CTNNA3: variants seen among roughly 807,000 people sequenced by gnomAD.
CTNNA3 encodes the protein catenin alpha 3.
A neutral mutation model predicts 95.7 loss-of-function variants in CTNNA3; 76 were observed. The observed-to-expected ratio is 0.79, with a 90% CI of 0.66 to 0.96. CTNNA3 has a LOEUF of 0.96. Among genes scored for constraint, CTNNA3 ranks in the 40% least tolerant of loss-of-function variants. The pLI is 0.00. For missense variants in CTNNA3, 1,191 were observed against 1,089.8 expected, an observed-to-expected ratio of 1.09 and a Z score of -1.31; for synonymous variants, 431 against 374.4, an observed-to-expected ratio of 1.15 and a Z score of -1.74.
At chr10:67,012,031 A>C (rs1272472006) in intron 7 of CTNNA3, among the ~76,000 whole-genome samples, 1 of 152,170 alleles carries the variant, frequency 6.6e-6, no homozygotes, top group African/African-American at 2.4e-5. Context: ...TATATGAGGA[A>C]ACAGAAACTT....
intron 5 of CTNNA3, among the ~76,000 whole-genome samples, chr10:67,493,561 C>CAAAAAAAA (rs61570165): frequency 2.1e-5 from 2 of 94,132 alleles, no homozygotes; most frequent in East Asian, 2.6e-4. Flanking sequence ...GACTCTGTCT[C>CAAAAAAAA]AAAAAAAAAA....
chr10:67,031,620 A>C (rs1047310079), intron 7 of CTNNA3, among the ~76,000 whole-genome samples: 6 of 152,206 alleles, frequency 3.9e-5, no homozygotes, highest in African/African-American at 1.2e-4. Flanking sequence ...ATTAGAACTT[A>C]AGTGTTGGAG....
intron 5 of CTNNA3, among the ~76,000 whole-genome samples, chr10:67,482,701 C>A (rs1353869619): frequency 6.6e-6 from 1 of 152,098 alleles, no homozygotes; most frequent in African/African-American, 2.4e-5. Context: ...CAAACAGGGA[C>A]AATTTGACTT....
intron 7 of CTNNA3, among the ~76,000 whole-genome samples, chr10:66,921,059 A>T (rs1285498024): frequency 2.0e-5 from 3 of 152,208 alleles, no homozygotes; most frequent in Admixed American, 2.0e-4. Context: ...TTTAAACAGT[A>T]AGCATTTATT....
At chr10:66,142,446 C>A (rs2083667272) in intron 13 of CTNNA3, among the ~76,000 whole-genome samples, 1 of 152,024 alleles carries the variant, frequency 6.6e-6, no homozygotes, top group African/African-American at 2.4e-5. Context: ...GTTGGTCCTC[C>A]AACTTTTTTC....
At chr10:66,857,164 T>C (rs1318475448) in intron 7 of CTNNA3, among the ~76,000 whole-genome samples, 1 of 152,074 alleles carries the variant, frequency 6.6e-6, no homozygotes, top group Non-Finnish European at 1.5e-5. Context: ...AGGGAGTCCT[T>C]ACCTCATTGC....
intron 5 of CTNNA3, among the ~76,000 whole-genome samples, chr10:67,516,162 C>A (rs925904713): frequency 1.3e-5 from 2 of 152,012 alleles, no homozygotes; most frequent in African/African-American, 4.8e-5. Context: ...CGGGGTTTCA[C>A]CATGTTGGTC....
intron 10 of CTNNA3, among the ~76,000 whole-genome samples, chr10:66,603,256 C>T (rs1843997266): frequency 6.6e-6 from 1 of 151,964 alleles, no homozygotes; most frequent in African/African-American, 2.4e-5. Context: ...GGATACAAAA[C>T]CAAGACACAA....
At chr10:67,685,584 T>C (rs1160153095) in intron 1 of CTNNA3, among the ~76,000 whole-genome samples, 2 of 152,362 alleles carry the variant, frequency 1.3e-5, no homozygotes, top group South Asian at 2.1e-4. Flanking sequence ...AGGAAGGCTA[T>C]GGGTTGTCAG....
At chr10:66,932,559 A>G (rs1847463232) in intron 7 of CTNNA3, among the ~76,000 whole-genome samples, 1 of 152,182 alleles carries the variant, frequency 6.6e-6, no homozygotes, top group African/African-American at 2.4e-5. Flanking sequence ...AGCTACCTAC[A>G]CTAAAAATCA....
At chr10:66,528,186 G>A (rs950244697) in intron 10 of CTNNA3, among the ~76,000 whole-genome samples, 2 of 152,092 alleles carry the variant, frequency 1.3e-5, no homozygotes, top group African/African-American at 4.8e-5. Context: ...TAGACCCTGT[G>A]CATTAGGTTG....
intron 11 of CTNNA3, among the ~76,000 whole-genome samples, chr10:66,519,100 TTC>T (rs965233989): frequency 6.6e-5 from 10 of 152,094 alleles, no homozygotes; most frequent in Admixed American, 2.0e-4. Flanking sequence ...AAGAAAATCC[TTC>T]TCTTACAAAA....
chr10:67,096,216 T>C (rs76693607), intron 7 of CTNNA3, among the ~76,000 whole-genome samples: 2 of 151,846 alleles, frequency 1.3e-5, no homozygotes, highest in African/African-American at 4.8e-5. Flanking sequence ...TTTATTTTTT[T>C]GATTACTTTT....
intron 9 of CTNNA3, among the ~76,000 whole-genome samples, chr10:66,680,008 T>G (rs1390668110): frequency 1.3e-5 from 2 of 151,988 alleles, no homozygotes; most frequent in Non-Finnish European, 2.9e-5. Flanking sequence ...GAGCAGTATC[T>G]TTTTTTTGAC....
intron 13 of CTNNA3, among the ~76,000 whole-genome samples, chr10:66,192,480 A>G (rs2131888472): frequency 6.6e-6 from 1 of 152,324 alleles, no homozygotes; most frequent in African/African-American, 2.4e-5. Context: ...CTGATAAGTG[A>G]ACTCCACAAG....
intron 1 of CTNNA3, among the ~76,000 whole-genome samples, chr10:67,654,259 C>T (rs1839958984): frequency 6.6e-6 from 1 of 152,098 alleles, no homozygotes; most frequent in South Asian, 2.1e-4. Flanking sequence ...CGAGTAGAGC[C>T]TACTTTAGCA....
chr10:66,750,771 G>C (rs1322810393), intron 9 of CTNNA3, among the ~76,000 whole-genome samples: 1 of 152,138 alleles, frequency 6.6e-6, no homozygotes, highest in Non-Finnish European at 1.5e-5. Flanking sequence ...GATTTGTATT[G>C]AGATTGCATT....
At chr10:66,027,691 A>T (rs918966623) in intron 15 of CTNNA3, among the ~76,000 whole-genome samples, 1 of 152,160 alleles carries the variant, frequency 6.6e-6, no homozygotes, top group African/African-American at 2.4e-5. Context: ...GGAAGACTCA[A>T]TTTAGGATTA....
At chr10:67,120,013 A>T (rs1859380709) in intron 7 of CTNNA3, among the ~76,000 whole-genome samples, 1 of 151,938 alleles carries the variant, frequency 6.6e-6, no homozygotes, top group Non-Finnish European at 1.5e-5. Flanking sequence ...CTAGATAAAG[A>T]GATTTGTCAT....
Sources: allele counts gnomAD v4.1 joint callset (sites outside exome capture counted in the v4.1 genomes callset), GRCh38; gene constraint gnomAD v4.1.1; transcripts MANE v1.5; gene names NCBI Gene and HGNC (gene_info 2026-07-23, HGNC 2026-07-21).